The following RNF180 variants were observed in gnomAD, a reference collection of about 807,000 sequenced individuals.
RNF180 encodes the protein E3 ubiquitin-protein ligase RNF180.
Under a neutral mutation model 59.2 loss-of-function variants are expected in RNF180, and 38 were observed. The ratio of observed to expected loss-of-function variants is 0.64; its 90% confidence interval spans 0.50 to 0.84. The LOEUF is 0.84. RNF180 is among the 40% of genes least tolerant of loss of function. The probability of loss-of-function intolerance (pLI) is 0.00; values close to 1 mark genes in which losing one functional copy is unlikely to be tolerated. For synonymous variants in RNF180, 262 were observed against 240.3 expected, an observed-to-expected ratio of 1.09 and a Z score of -0.84; for missense variants, 705 against 700.9, an observed-to-expected ratio of 1.01 and a Z score of -0.07.
chr5:64,227,928 T>C (rs563572692), intron 5 of RNF180, among the ~76,000 whole-genome samples: 13 of 152,304 alleles, frequency 8.5e-5, no homozygotes, highest in African/African-American at 3.1e-4. Context: ...TTACCCATTT[T>C]TAAAACCATA....
At chr5:64,268,572 T>A (rs1444421093) in intron 5 of RNF180, among the ~76,000 whole-genome samples, 1 of 152,192 alleles carries the variant, frequency 6.6e-6, no homozygotes, top group Non-Finnish European at 1.5e-5. Context: ...CCTTAACTTT[T>A]AAAATCAAAA....
At chr5:64,292,386 T>C (rs1173864128) in intron 5 of RNF180, among the ~76,000 whole-genome samples, 5 of 152,212 alleles carry the variant, frequency 3.3e-5, no homozygotes, top group African/African-American at 1.2e-4. Context: ...ATAGGGCTGC[T>C]GTGGCTTGCT....
intron 1 of RNF180, among the ~76,000 whole-genome samples, chr5:64,182,614 G>A (rs1226013385): frequency 6.6e-6 from 1 of 152,134 alleles, no homozygotes; most frequent in African/African-American, 2.4e-5. Context: ...TGAATTTCAG[G>A]GAGATTCATG....
chr5:64,343,378 A>G (rs1163329536), intron 7 of RNF180, among the ~76,000 whole-genome samples: 1 of 152,142 alleles, frequency 6.6e-6, no homozygotes, highest in African/African-American at 2.4e-5. Context: ...TATGTGGGAT[A>G]TAATCTGTTG....
chr5:64,326,945 A>G (rs928906123), intron 6 of RNF180, among the ~76,000 whole-genome samples: 3 of 152,164 alleles, frequency 2.0e-5, no homozygotes, highest in Non-Finnish European at 2.9e-5. Flanking sequence ...GGACTTTTCT[A>G]TGTTGGAATA....
chr5:64,264,771 G>A (rs1211122429), intron 5 of RNF180, among the ~76,000 whole-genome samples: 1 of 152,114 alleles, frequency 6.6e-6, no homozygotes, highest in African/African-American at 2.4e-5. Flanking sequence ...GGGTCAAATG[G>A]TATTTTTGGT....
At chr5:64,359,353 T>G (rs1450589471) in intron 7 of RNF180, among the ~76,000 whole-genome samples, 7 of 150,658 alleles carry the variant, frequency 4.6e-5, no homozygotes, top group Non-Finnish European at 7.4e-5. Context: ...GGTATCTCAT[T>G]GTGGTTTTGA....
intron 7 of RNF180, among the ~76,000 whole-genome samples, chr5:64,344,598 T>C (rs183330704): frequency 1.3e-5 from 2 of 152,202 alleles, no homozygotes; most frequent in Non-Finnish European, 2.9e-5. Flanking sequence ...TCTGAAAGTT[T>C]GGGGCTTGTG....
At chr5:64,286,924 A>T (rs1742319035) in intron 5 of RNF180, among the ~76,000 whole-genome samples, 1 of 152,266 alleles carries the variant, frequency 6.6e-6, no homozygotes, top group East Asian at 1.9e-4. Flanking sequence ...TTAGGGCAAG[A>T]AGATAATAGA....
intron 7 of RNF180, among the ~76,000 whole-genome samples, chr5:64,353,758 AGCAATACAAAGTATCTTC>A (rs917331843): frequency 6.6e-6 from 1 of 151,868 alleles, no homozygotes; most frequent in Non-Finnish European, 1.5e-5. Flanking sequence ...AAAAGATTGA[AGCAATACAAAGTATCTTC>A]GCTGACCGCA....
chr5:64,315,965 C>A (rs774676497), intron 5 of RNF180, among the ~76,000 whole-genome samples: 2 of 152,118 alleles, frequency 1.3e-5, no homozygotes, highest in African/African-American at 4.8e-5. Flanking sequence ...AAGTCTGGCC[C>A]GCTGCCTTGA....
At chr5:64,223,730 A>T (rs761239958) in intron 5 of RNF180, among the ~76,000 whole-genome samples, 6 of 151,856 alleles carry the variant, frequency 4.0e-5, no homozygotes, top group Non-Finnish European at 8.8e-5. Flanking sequence ...ATATATCTTT[A>T]TTCTTCATTC....
chr5:64,215,748 T>C (rs1249266404), intron 4 of RNF180, among the ~76,000 whole-genome samples: 2 of 152,166 alleles, frequency 1.3e-5, no homozygotes, highest in African/African-American at 2.4e-5. Context: ...TCAGAAAGAA[T>C]ATTTTCAAAA....
intron 5 of RNF180, among the ~76,000 whole-genome samples, chr5:64,309,050 T>C (rs779622500): frequency 9.2e-5 from 14 of 151,686 alleles, no homozygotes; most frequent in Non-Finnish European, 2.1e-4. Context: ...GATGCCAATC[T>C]CCACGTAATC....
intron 7 of RNF180, among the ~76,000 whole-genome samples, chr5:64,357,929 T>C (rs1476079811): frequency 1.3e-5 from 2 of 151,880 alleles, no homozygotes; most frequent in African/African-American, 4.8e-5. Context: ...AACCTAAACC[T>C]GATATCAACT....
rs185572750 is a variant in RNF180, at chr5:64,214,267, T to C, written c.941T>C (p.Leu314Pro). Residue 314 changes from leucine (L) to proline (P), a missense_variant, in exon 4 of 8, where the codon CTA (leucine) becomes CCA (proline). Transcript: ENST00000389100. ...AGAGGAGGAGAATTTCAGTGTGGTC[T>C]AGAAGCTGCTTCAGTGTATTCTGAC... Reference protein sequence around the residue: ...TQRGGEFQCGLEAASVYSDHT... With the variant: ...TQRGGEFQCGPEAASVYSDHT... The C allele has an allele frequency of 8.1e-6, 13 of 1,614,088 alleles. 1 individual carries two copies. The Admixed American group carries it at 1.7e-4, about 21-fold the overall frequency.
chr5:64,175,247 A>G (rs972062185), intron 1 of RNF180, among the ~76,000 whole-genome samples: 2 of 152,142 alleles, frequency 1.3e-5, no homozygotes, highest in Non-Finnish European at 2.9e-5. Context: ...GATTACAGGC[A>G]TGAGCCACTG....
chr5:64,270,906 T>G lies in RNF180; in HGVS notation c.1227+53510T>G, dbSNP rs1741362192. 2.0e-5 allele frequency among the ~76,000 whole-genome samples: 3 copies of G among 152,054 alleles called. No individual in the cohort carries two copies. The South Asian group carries it at 6.2e-4, about 31-fold the overall frequency. On this transcript the variant is annotated intron_variant, in intron 5 of 7. Transcript: ENST00000389100. ...ATATAATCACAAAATACCTGATGTG[T>G]TTTTTGTTTATCCTGCACCATTGAA...
chr5:64,172,374 TC>T (rs1458206084), intron 1 of RNF180, among the ~76,000 whole-genome samples: 1 of 151,740 alleles, frequency 6.6e-6, no homozygotes, highest in South Asian at 2.1e-4. Flanking sequence ...GCCTCATGTC[TC>T]CCCCCACCCC....
Sources: allele counts gnomAD v4.1 joint callset (sites outside exome capture counted in the v4.1 genomes callset), GRCh38; gene constraint gnomAD v4.1.1; transcripts MANE v1.5; gene names NCBI Gene and HGNC (gene_info 2026-07-23, HGNC 2026-07-21).